The following GNB5 variants were observed in gnomAD, a reference collection of about 807,000 sequenced individuals.
The protein encoded by GNB5 is guanine nucleotide-binding protein subunit beta-5.
GNB5 carries 37 observed loss-of-function variants against 55.3 expected under a neutral mutation model. The ratio of observed to expected loss-of-function variants is 0.67; its 90% CI spans 0.51 to 0.88. GNB5 has a LOEUF of 0.88. Among genes scored for constraint, GNB5 ranks in the 40% least tolerant of loss-of-function variants. GNB5 has a pLI of 0.00. For synonymous variants in GNB5, 219 were observed against 198.5 expected, an observed-to-expected ratio of 1.10 and a Z score of -0.87; for missense variants, 476 against 515.3, an observed-to-expected ratio of 0.92 and a Z score of 0.74.
chr15:52,136,113 AACACACACACACACACACACAC>A (rs751263225), intron 7 of GNB5, among the ~76,000 whole-genome samples: 91 of 50,732 alleles, frequency 1.8e-3, no homozygotes, highest in Middle Eastern at 0.017. Flanking sequence ...AAAAGCAGAA[AACACACACACACACACACACAC>A]ACACACACAC....
At chr15:52,185,753 T>TTA (rs1555409558) in intron 1 of GNB5, among the ~76,000 whole-genome samples, 5,917 of 136,624 alleles carry the variant, frequency 0.043, 220 homozygotes, top group African/African-American at 0.092. Context: ...TATTCATCTT[T>TTA]TTATTATTAT....
At chr15:52,125,546 G>A (rs1280035697) in intron 11 of GNB5, 1 of 156,732 alleles carries the variant, frequency 6.4e-6, no homozygotes, top group Non-Finnish European at 1.4e-5. Flanking sequence ...CTCCCAAAGT[G>A]CTGGGATTAC....
chr15:52,128,099 C>T (rs1487961424), intron 10 of GNB5, 97 bp downstream of exon 10: 12 of 790,602 alleles, frequency 1.5e-5, no homozygotes, highest in East Asian at 1.0e-4. Context: ...ATTGAATACT[C>T]GTTACTTCTG....
intron 1 of GNB5, among the ~76,000 whole-genome samples, chr15:52,188,248 T>C (rs1381772883): frequency 6.6e-6 from 1 of 152,224 alleles, no homozygotes; most frequent in Non-Finnish European, 1.5e-5. Flanking sequence ...TCGTATCACA[T>C]AGCTAGCATT....
intron 3 of GNB5, among the ~76,000 whole-genome samples, chr15:52,167,461 G>A (rs777151765): frequency 3.9e-5 from 6 of 152,150 alleles, no homozygotes; most frequent in Non-Finnish European, 8.8e-5. Flanking sequence ...CCTGAGGTCA[G>A]GACTTTGAGA....
intron 9 of GNB5, chr15:52,128,512 T>C (rs1421927323): frequency 1.8e-5 from 11 of 616,408 alleles, no homozygotes; most frequent in Admixed American, 4.5e-5. Context: ...CCTATAAATA[T>C]AGTTTCCCTC....
At chr15:52,185,325 C>G (rs763302596) in intron 1 of GNB5, among the ~76,000 whole-genome samples, 79 of 152,256 alleles carry the variant, frequency 5.2e-4, no homozygotes, top group Admixed American at 2.9e-3. Context: ...ACCACTGAGG[C>G]TAGTTAGCTG....
In GNB5 at chr15:52,176,704, T is replaced by C. The variant is rs116668049; in HGVS notation, c.238+3064A>G. The stretch of plus-strand genomic sequence containing the variant: ...GAAAGAGACATTTGTCAAGAACTCT[T>C]ACCCCAGGTCACTTACCTCTCACAC... On this transcript the variant is annotated intron_variant, in intron 3 of 12. Coordinates refer to ENST00000261837, the MANE Select transcript of GNB5 (RefSeq NM_016194.4). Among the ~76,000 whole-genome samples, 916 of 152,322 alleles carry C rather than the reference T, an allele frequency of 6.0e-3. 11 individuals carry two copies. Among genetic ancestry groups the C allele is most frequent in the African/African-American group, 0.021 (872 of 41,574 alleles).
At chr15:52,163,362 C>A (rs1179937295) in intron 3 of GNB5, among the ~76,000 whole-genome samples, 1 of 152,206 alleles carries the variant, frequency 6.6e-6, no homozygotes, top group African/African-American at 2.4e-5. Context: ...GGGGTGATGC[C>A]AGGGAGCTAA....
Position 52,153,972 on chromosome 15 carries a change from T to G in GNB5, c.343A>C (p.Lys115Gln). 1 of 1,614,020 alleles carries G rather than the reference T, an allele frequency of 6.2e-7. No homozygotes were observed. Among genetic ancestry groups the G allele is most frequent in the Non-Finnish European group, 8.5e-7 (1 of 1,179,888 alleles). ...GAGCTCACGATCCTCCTCTTATCTT[T>G]GCACCAGTCCATGCACAGGACTTTG... The part of the protein sequence containing the change: ...GNKVLCMDWC[K>Q]DKRRIVSSSQ... Residue 115 changes from lysine (K) to glutamine (Q), a missense_variant, in exon 4 of 13, where the codon AAA (lysine) becomes CAA (glutamine). Lys to Gln is a moderately conservative substitution (Grantham distance 53). Transcript: ENST00000261837.
chr15:52,130,584 G>C (rs1382717537), intron 9 of GNB5, among the ~76,000 whole-genome samples: 1 of 152,102 alleles, frequency 6.6e-6, no homozygotes, highest in Non-Finnish European at 1.5e-5. Flanking sequence ...ACTTTAAAAA[G>C]TTTGGTTACC....
intron 12 of GNB5, 137 bp from the exon 13 acceptor site, chr15:52,122,905 CAAACAT>C: frequency 1.5e-6 from 1 of 685,624 alleles, no homozygotes; most frequent in Admixed American, 2.3e-5. Context: ...CACACACACA[CAAACAT>C]ACACACTCCA....
Position 52,179,861 on chromosome 15 carries a change from G to T in GNB5, c.145C>A (p.His49Asn), listed in dbSNP as rs1315630084. ...CAEIMATEGL[H>N]ENETLASLKS... Reference sequence around the variant, plus strand: ...AGCGACGCCAGCGTCTCGTTCTCGTGCAGCCCCTCGGTTGCCATCTTCGCG... The same window carrying T: ...AGCGACGCCAGCGTCTCGTTCTCGTTCAGCCCCTCGGTTGCCATCTTCGCG... The change falls in exon 3 of 13, where the codon CAC becomes AAC. Residue 49 changes from histidine to asparagine, a missense_variant. His to Asn is a moderately conservative substitution (Grantham distance 68). Coordinates refer to ENST00000261837, the MANE Select transcript of GNB5 (RefSeq NM_016194.4). 2 of 1,547,978 alleles carry T rather than the reference G, an allele frequency of 1.3e-6. No homozygotes were observed. The highest frequency in any genetic ancestry group is 1.9e-5 in the Admixed American group (1 of 53,000).
intron 9 of GNB5, among the ~76,000 whole-genome samples, chr15:52,129,197 C>T (rs1430619222): frequency 6.6e-6 from 1 of 152,062 alleles, no homozygotes; most frequent in Non-Finnish European, 1.5e-5. Flanking sequence ...CTCAAGTGAT[C>T]CACCTTCCTA....
intron 5 of GNB5, 145 bp from the exon 6 acceptor site, chr15:52,147,680 G>T: frequency 2.3e-6 from 1 of 431,790 alleles, no homozygotes; most frequent in East Asian, 4.6e-5. Flanking sequence ...TCTGCCTCCG[G>T]GGTTCAAGCA....
intron 1 of GNB5, among the ~76,000 whole-genome samples, chr15:52,185,598 G>A (rs1385367414): frequency 1.3e-5 from 2 of 152,088 alleles, no homozygotes; most frequent in African/African-American, 4.8e-5. Flanking sequence ...CTATGGCAAC[G>A]GTTCAGACAA....
rs150665032 is a variant in GNB5 at position 52,181,516 on chromosome 15, T to G, written c.127-1637A>C. 2.6e-4 allele frequency among the ~76,000 whole-genome samples: 40 copies of G among 152,186 alleles called. 1 individual carries two copies. In the East Asian group the frequency reaches 7.7e-3, roughly 29 times the overall value. ...CTGTAACCTCAGCTACTCAGGAGGC[T>G]GAGGCACGAGAATCGCTTGAACCCT... On this transcript the variant is annotated intron_variant, in intron 2 of 12. Coordinates refer to ENST00000261837, the MANE Select transcript of GNB5 (RefSeq NM_016194.4).
rs370478534 is a variant in GNB5, at chr15:52,133,435, C to A, written c.806G>T (p.Arg269Leu). Residue 269 changes from arginine (R) to leucine (L), a missense_variant, in exon 9 of 13, where the codon CGC (arginine) becomes CTC (leucine). Physicochemically the swap from Arg to Leu is moderately radical, Grantham distance 102. Coordinates refer to ENST00000261837, the MANE Select transcript of GNB5 (RefSeq NM_016194.4). ...AAAGGCCTGCACGCACTGGCCGGAG[C>A]GCATGTCCCACACCATGGCTTTCTT... Reference protein sequence around the residue: ...CDKKAMVWDMRSGQCVQAFET... With the variant: ...CDKKAMVWDMLSGQCVQAFET... The A allele has an allele frequency of 1.2e-6, 2 of 1,613,062 alleles. No individual in the cohort carries two copies. Among genetic ancestry groups the A allele is most frequent in the Non-Finnish European group, 8.5e-7 (1 of 1,178,998 alleles).
intron 3 of GNB5, 50 bp from the exon 4 acceptor site, chr15:52,154,126 G>A: frequency 2.5e-6 from 4 of 1,581,974 alleles, no homozygotes; most frequent in Non-Finnish European, 3.4e-6. Context: ...CCAGGTTCTG[G>A]GCTTTGGGCT....
Sources: allele counts gnomAD v4.1 joint callset (sites outside exome capture counted in the v4.1 genomes callset), GRCh38; gene constraint gnomAD v4.1.1; transcripts MANE v1.5; gene names NCBI Gene and HGNC (gene_info 2026-07-23, HGNC 2026-07-21).